Variants in PRSS23 observed in about 807,000 individuals in gnomAD.
PRSS23 encodes the protein protease, serine 23.
PRSS23 carries 25 observed loss-of-function variants against 34.7 expected under a neutral mutation model. That is an observed-to-expected ratio of 0.72 (90% CI 0.53 to 1.01). The LOEUF (loss-of-function observed/expected upper bound fraction) is 1.01, where lower values mean the gene tolerates loss of function less well. PRSS23 is among the 50% of genes least tolerant of loss of function. The pLI is 0.00. For missense variants in PRSS23, 445 were observed against 475.6 expected (o/e 0.94, Z 0.60); for synonymous variants, 176 against 186.6 (o/e 0.94, Z 0.46).
intron 2 of PRSS23, among the ~76,000 whole-genome samples, chr11:86,855,719 C>T (rs1948565158): frequency 6.6e-6 from 1 of 152,204 alleles, no homozygotes; most frequent in Non-Finnish European, 1.5e-5. Flanking sequence ...TGATCTCCAA[C>T]TCCTCAGATG....
At chr11:86,951,389 A>C (rs1216632210) in exon 3 of PRSS23, 1 of 1,614,070 alleles carries the variant, frequency 6.2e-7, no homozygotes. Flanking sequence ...GATTTCATAA[A>C]AATAACAGGC....
chr11:86,912,413 C>CAT (rs34065583), intron 2 of PRSS23, among the ~76,000 whole-genome samples: 133,203 of 152,004 alleles, frequency 0.88, 58,435 homozygotes, highest in East Asian at 0.95. Context: ...CAATTGCACA[C>CAT]GTTAGGCCTT....
intron 2 of PRSS23, among the ~76,000 whole-genome samples, chr11:86,845,239 C>G (rs918296723): frequency 1.3e-5 from 2 of 152,122 alleles, no homozygotes; most frequent in Non-Finnish European, 2.9e-5. Context: ...TCTGGAGAAT[C>G]AGAAGCAAAA....
intron 1 of PRSS23, among the ~76,000 whole-genome samples, chr11:86,804,541 T>G (rs1192848343): frequency 6.6e-6 from 1 of 152,180 alleles, no homozygotes; most frequent in East Asian, 1.9e-4. Context: ...TCTGAAAAAT[T>G]TATTCTTCAA....
intron 2 of PRSS23, among the ~76,000 whole-genome samples, chr11:86,827,068 G>A (rs1948307751): frequency 6.6e-6 from 1 of 152,144 alleles, no homozygotes; most frequent in Non-Finnish European, 1.5e-5. Flanking sequence ...AGAAGGAATG[G>A]TACCAGTTCC....
intron 2 of PRSS23, among the ~76,000 whole-genome samples, chr11:86,894,835 T>C (rs1948864261): frequency 6.6e-6 from 1 of 152,246 alleles, no homozygotes; most frequent in Non-Finnish European, 1.5e-5. Context: ...TTTGTGTATA[T>C]GTCTTATCTC....
At chr11:86,802,933 A>G (rs1948057059) in intron 1 of PRSS23, among the ~76,000 whole-genome samples, 1 of 152,196 alleles carries the variant, frequency 6.6e-6, no homozygotes. Flanking sequence ...ATTTTCAGAC[A>G]GTGGCTCATA....
chr11:86,894,203 T>G (rs1590917191), intron 2 of PRSS23, among the ~76,000 whole-genome samples: 1 of 152,012 alleles, frequency 6.6e-6, no homozygotes, highest in Non-Finnish European at 1.5e-5. Context: ...TGAGATGAGG[T>G]TTCACCATGT....
At chr11:86,899,898 A>G (rs565514626) in intron 2 of PRSS23, among the ~76,000 whole-genome samples, 38 of 152,236 alleles carry the variant, frequency 2.5e-4, no homozygotes, top group Middle Eastern at 6.8e-3. Flanking sequence ...AGAGAAACAC[A>G]TAAGTGACAA....
intron 2 of PRSS23, among the ~76,000 whole-genome samples, chr11:86,912,407 T>C (rs1948983931): frequency 2.9e-5 from 1 of 34,500 alleles, no homozygotes; most frequent in African/African-American, 8.9e-5. Flanking sequence ...GGACTCCAAT[T>C]GCACACGTTA....
At chr11:86,903,481 C>CT (rs10688682) in intron 2 of PRSS23, among the ~76,000 whole-genome samples, 45,930 of 124,868 alleles carry the variant, frequency 0.37, 9,876 homozygotes, top group Non-Finnish European at 0.48. Flanking sequence ...AACATACAAT[C>CT]TTTTTTTTTT....
chr11:86,830,418 G>A (rs1239539883), intron 2 of PRSS23, among the ~76,000 whole-genome samples: 2 of 152,132 alleles, frequency 1.3e-5, no homozygotes, highest in Non-Finnish European at 2.9e-5. Flanking sequence ...ACTAGAAAAG[G>A]GAACTCCCTG....
chr11:86,815,502 G>A (rs1948209005), downstream of PRSS23, among the ~76,000 whole-genome samples: 2 of 152,170 alleles, frequency 1.3e-5, no homozygotes, highest in South Asian at 4.1e-4. Flanking sequence ...ATGACTTAGG[G>A]TTATGTGAGC....
intron 2 of PRSS23, among the ~76,000 whole-genome samples, chr11:86,866,079 G>T (rs748423054): frequency 6.6e-6 from 1 of 152,106 alleles, no homozygotes; most frequent in African/African-American, 2.4e-5. Flanking sequence ...AATTGGGCTG[G>T]GGTATTTCAA....
chr11:86,922,223 G>A (rs1949051312), intron 2 of PRSS23: 1 of 152,186 alleles, frequency 6.6e-6, no homozygotes, highest in Non-Finnish European at 1.5e-5. Context: ...ATCTCCCTGA[G>A]ACAATACTGA....
intron 2 of PRSS23, among the ~76,000 whole-genome samples, chr11:86,828,908 C>A (rs1297714834): frequency 2.0e-5 from 3 of 152,184 alleles, no homozygotes; most frequent in Admixed American, 1.3e-4. Flanking sequence ...CCCAACCTTT[C>A]TCTCTGGCTG....
At position 86,852,931 on chromosome 11, in the gene PRSS23, G is replaced by A. The variant is rs187615201; in HGVS notation, c.206+29338G>A. On this transcript the variant is annotated intron_variant, in intron 2 of 2. Coordinates refer to the PRSS23 transcript ENST00000533902. ...TGCAGTGGCATGATCTCGGCTCACT[G>A]CAACCTCCACATCGTGGGTTCAAGC... Among the ~76,000 whole-genome samples the A allele has an allele frequency of 6.0e-4, 92 of 152,286 alleles. 1 individual carries two copies. Among genetic ancestry groups the A allele is most frequent in the Non-Finnish European group, 9.4e-4 (64 of 68,024 alleles).
chr11:86,803,810 T>C (rs1031317066), intron 1 of PRSS23, among the ~76,000 whole-genome samples: 2 of 152,226 alleles, frequency 1.3e-5, no homozygotes, highest in African/African-American at 4.8e-5. Flanking sequence ...ACTTGTTTGC[T>C]ATAGGAGTTA....
chr11:86,876,207 A>G (rs999065934), intron 2 of PRSS23, among the ~76,000 whole-genome samples: 12 of 43,034 alleles, frequency 2.8e-4, no homozygotes, highest in Admixed American at 7.4e-4. Flanking sequence ...ATTTCGGAGT[A>G]AACATCACCA....
Sources: allele counts gnomAD v4.1 joint callset (sites outside exome capture counted in the v4.1 genomes callset), GRCh38; gene constraint gnomAD v4.1.1; transcripts MANE v1.5; gene names NCBI Gene and HGNC (gene_info 2026-07-23, HGNC 2026-07-21).